The following AGBL4 variants were observed in gnomAD, a reference collection of about 807,000 sequenced individuals.
AGBL4 encodes AGBL carboxypeptidase 4.
AGBL4 carries 58 observed loss-of-function variants against 66.4 expected under a neutral mutation model. The observed-to-expected ratio is 0.87, with a 90% CI of 0.71 to 1.09. AGBL4 has a LOEUF of 1.09. Ranked by LOEUF, AGBL4 falls within the 50% of genes least tolerant of loss-of-function variation. The probability of loss-of-function intolerance (pLI) is 0.00; values close to 1 mark genes in which losing one functional copy is unlikely to be tolerated. For missense variants in AGBL4, 579 were observed against 631.0 expected, an observed-to-expected ratio of 0.92 and a Z score of 0.88; for synonymous variants, 234 against 222.9, an observed-to-expected ratio of 1.05 and a Z score of -0.44.
Position 48,713,357 on chromosome 1 carries a change from G to A in AGBL4, c.635-50116C>T, listed in dbSNP as rs545261612. 2.9e-3 allele frequency among the ~76,000 whole-genome samples: 439 copies of A among 152,258 alleles called. 2 individuals are homozygous for A. The highest frequency in any genetic ancestry group is 0.024 in the South Asian group (115 of 4,822). ...AAGGGAGAGCCATTCTTAGGGGACA[G>A]CCAGGTTTCAGTCAGGAGGACTATG... On this transcript the variant is annotated intron_variant, in intron 6 of 13. Transcript: ENST00000371839.
chr1:49,175,799 AAGAC>A (rs1331453694), intron 4 of AGBL4, among the ~76,000 whole-genome samples: 15 of 152,192 alleles, frequency 9.9e-5, no homozygotes, highest in Admixed American at 5.9e-4. Flanking sequence ...GTCAAAGAGA[AAGAC>A]AGACCTTTAC....
chr1:48,748,861 TGTGA>T (rs952523889), intron 6 of AGBL4, among the ~76,000 whole-genome samples: 4 of 152,062 alleles, frequency 2.6e-5, no homozygotes, highest in Non-Finnish European at 4.4e-5. Context: ...CTCCATTTTC[TGTGA>T]GTGAGGGCAG....
At position 48,827,926 on chromosome 1, in the gene AGBL4, G is replaced by T. The variant is rs148886222; in HGVS notation, c.634+39265C>A. ...TCCCAGCACTTTGGGAGGCCGAGGCGGGCAGATCACGAGGTCAGGAGTTTG... is the reference window on the plus strand; with the variant it reads ...TCCCAGCACTTTGGGAGGCCGAGGCTGGCAGATCACGAGGTCAGGAGTTTG... On this transcript the variant is annotated intron_variant, in intron 6 of 13. Transcript: ENST00000371839. 2.4e-3 allele frequency among the ~76,000 whole-genome samples: 367 copies of T among 151,452 alleles called. 1 individual carries two copies. Among genetic ancestry groups the T allele is most frequent in the African/African-American group, 8.7e-3 (357 of 41,228 alleles).
At position 49,990,970 on chromosome 1, in the gene AGBL4, G is replaced by A. The variant is rs193071631; in HGVS notation, c.34+32793C>T. ...CATATTAAAGATTATATGCGTAATC[G>A]TCATTAAAAAAACTCAAACCTAATA... On this transcript the variant is annotated intron_variant, in intron 1 of 13. Coordinates refer to ENST00000371839, the MANE Select transcript of AGBL4 (RefSeq NM_032785.4). 7.2e-5 allele frequency among the ~76,000 whole-genome samples: 11 copies of A among 151,970 alleles called. No individual in the cohort carries two copies. The East Asian group carries it at 1.5e-3, about 21-fold the overall frequency.
chr1:48,881,034 T>C (rs377611098), intron 5 of AGBL4, among the ~76,000 whole-genome samples: 2 of 152,326 alleles, frequency 1.3e-5, no homozygotes, highest in East Asian at 1.9e-4. Flanking sequence ...TGACATCACA[T>C]AAAACATCTT....
At chr1:49,530,681 G>T (rs1433118390) in intron 3 of AGBL4, among the ~76,000 whole-genome samples, 1 of 152,040 alleles carries the variant, frequency 6.6e-6, no homozygotes, top group Non-Finnish European at 1.5e-5. Context: ...GGTTGCATTG[G>T]ACTGAGAGGC....
At chr1:48,538,797 C>T (rs2148258804) in intron 12 of AGBL4, among the ~76,000 whole-genome samples, 1 of 152,304 alleles carries the variant, frequency 6.6e-6, no homozygotes, top group African/African-American at 2.4e-5. Flanking sequence ...CCCTGAGGCA[C>T]CCACATACAT....
At chr1:49,822,310 C>T (rs111517677) in intron 2 of AGBL4, among the ~76,000 whole-genome samples, 7 of 145,796 alleles carry the variant, frequency 4.8e-5, no homozygotes, top group African/African-American at 1.5e-4. Context: ...CTTCTTTCTT[C>T]GTGTGTGTGT....
intron 5 of AGBL4, among the ~76,000 whole-genome samples, chr1:48,960,213 G>C (rs542075247): frequency 6.6e-6 from 1 of 152,148 alleles, no homozygotes; most frequent in Admixed American, 6.6e-5. Context: ...ATAAGATATT[G>C]GTGGAAAGGC....
intron 2 of AGBL4, among the ~76,000 whole-genome samples, chr1:49,714,288 T>C (rs559840307): frequency 6.6e-6 from 1 of 152,042 alleles, no homozygotes; most frequent in East Asian, 1.9e-4. Context: ...GGATTTTCAG[T>C]GTAGCCATCA....
chr1:48,930,626 A>C lies in AGBL4; in HGVS notation c.595-63396T>G, dbSNP rs534682494. Among the ~76,000 whole-genome samples, 166 of 152,312 alleles carry C rather than the reference A, an allele frequency of 1.1e-3. 1 individual carries two copies. Among genetic ancestry groups the C allele is most frequent in the African/African-American group, 3.4e-3 (141 of 41,576 alleles). ...AGATCCTCTTCCATTTCTGAGCCTC[A>C]AATTCCTCATCTGTAGGATAAGGAG... On this transcript the variant is annotated intron_variant, in intron 5 of 13. Coordinates refer to ENST00000371839, the MANE Select transcript of AGBL4 (RefSeq NM_032785.4).
chr1:49,141,147 A>G (rs921539576), intron 4 of AGBL4, among the ~76,000 whole-genome samples: 8 of 152,340 alleles, frequency 5.3e-5, no homozygotes, highest in Middle Eastern at 3.4e-3. Context: ...CAGTGTAACA[A>G]ACATTGCAAA....
chr1:48,637,405 G>C (rs961910470), intron 8 of AGBL4, among the ~76,000 whole-genome samples: 7 of 152,208 alleles, frequency 4.6e-5, no homozygotes, highest in Admixed American at 2.0e-4. Flanking sequence ...ATCTAACCCT[G>C]TTACTAGATG....
intron 5 of AGBL4, among the ~76,000 whole-genome samples, chr1:48,948,503 ATC>A (rs1264859102): frequency 6.6e-6 from 1 of 152,124 alleles, no homozygotes. Flanking sequence ...GTTTCCTGAG[ATC>A]TGTCACGTCT....
At chr1:48,721,159 T>G (rs190423041) in intron 6 of AGBL4, among the ~76,000 whole-genome samples, 1 of 152,050 alleles carries the variant, frequency 6.6e-6, no homozygotes, top group Non-Finnish European at 1.5e-5. Flanking sequence ...GACATATGGC[T>G]GATTCCAGAA....
intron 6 of AGBL4, among the ~76,000 whole-genome samples, chr1:48,839,876 G>A (rs1195628964): frequency 6.6e-6 from 1 of 151,998 alleles, no homozygotes; most frequent in Non-Finnish European, 1.5e-5. Flanking sequence ...TATCAACTGC[G>A]GCCAAATTTC....
At chr1:49,967,360 G>A (rs984275574) in intron 1 of AGBL4, among the ~76,000 whole-genome samples, 1 of 152,136 alleles carries the variant, frequency 6.6e-6, no homozygotes, top group Non-Finnish European at 1.5e-5. Flanking sequence ...CATTTCCTTT[G>A]CAGGGACATG....
intron 3 of AGBL4, among the ~76,000 whole-genome samples, chr1:49,330,234 T>C (rs1345553600): frequency 6.6e-6 from 1 of 152,106 alleles, no homozygotes; most frequent in Non-Finnish European, 1.5e-5. Context: ...CTGGCCAAAA[T>C]GGTGAAACCC....
intron 3 of AGBL4, among the ~76,000 whole-genome samples, chr1:49,379,133 C>T (rs916307810): frequency 1.3e-5 from 2 of 152,040 alleles, no homozygotes; most frequent in Non-Finnish European, 2.9e-5. Context: ...AGAGCATTTG[C>T]AGGCTGAGGC....
Sources: gnomAD v4.1 joint callset for allele counts (sites outside exome capture counted in the v4.1 genomes callset) on GRCh38, gnomAD v4.1.1 for gene constraint, MANE v1.5 for transcripts, NCBI Gene and HGNC (gene_info 2026-07-23, HGNC 2026-07-21) for gene names.